ABCA7: variants seen among roughly 807,000 people sequenced by gnomAD.
ABCA7 encodes phospholipid-transporting ATPase ABCA7.
In ABCA7, 261 loss-of-function variants were observed where a neutral mutation model predicts 227.6. The ratio of observed to expected loss-of-function variants is 1.15; its 90% CI spans 1.04 to 1.27. ABCA7 has a LOEUF of 1.27. ABCA7 is among the 50% of genes most tolerant of loss of function. ABCA7 has a pLI of 0.00. For synonymous variants in ABCA7, 1,488 were observed against 1,279.7 expected (o/e 1.16, Z -3.47); for missense variants, 3,331 against 2,924.5 (o/e 1.14, Z -3.21).
At chr19:1,061,910 CAGGGT>C in intron 41 of ABCA7, 22 bp downstream of exon 41, 1 of 1,531,836 alleles carries the variant, frequency 6.5e-7, no homozygotes, top group African/African-American at 1.8e-5. Context: ...CAGGTAGGGT[CAGGGT>C]GGGGCAGGGT....
rs1411117085 is a variant in ABCA7, at chr19:1,056,688, C to G, written c.4586+189C>G. 6.6e-6 allele frequency among the ~76,000 whole-genome samples: 1 copy of G among 152,174 alleles called. No homozygotes were observed. The highest frequency in any genetic ancestry group is 2.1e-4 in the South Asian group (1 of 4,826). On this transcript the variant is annotated intron_variant, in intron 33 of 46. Coordinates refer to ENST00000263094, the MANE Select transcript of ABCA7 (RefSeq NM_019112.4). This position sits in a 1 kb window ranked among gnomAD's most constrained non-coding sequence, Gnocchi z 4.3. Reference sequence around the variant, plus strand: ...CTCCTCAGACTCAGCGGGCCCCAGCCTCCCCCACACATCCTCATCCCACCA... The same window carrying G: ...CTCCTCAGACTCAGCGGGCCCCAGCGTCCCCCACACATCCTCATCCCACCA...
chr19:1,045,640 C>T (rs2040552793), intron 12 of ABCA7: 1 of 190,282 alleles, frequency 5.3e-6, no homozygotes, highest in Non-Finnish European at 1.1e-5. Context: ...CTAGCCTGGG[C>T]AACATAGTGA....
chr19:1,054,320 C>A lies in ABCA7; in HGVS notation c.3705C>A (p.Ser1235Arg). ...AGCGCTTTCTGCTTGCCCGCCGCAG[C>A]CGCCGCGGCCTGTTCGCCCAGGTGA... is the stretch of plus-strand genomic sequence containing the variant. ...LLKRFLLARR[S>R]RRGLFAQIVL... Residue 1235 changes from serine to arginine, a missense_variant, in exon 27 of 47, where the codon AGC (serine) becomes AGA (arginine). Ser to Arg is a moderately radical substitution (Grantham distance 110). Coordinates refer to ENST00000263094, the MANE Select transcript of ABCA7 (RefSeq NM_019112.4). The surrounding 1 kb of genome is among the most constrained non-coding windows in gnomAD (Gnocchi z 4.8). The A allele has an allele frequency of 6.2e-7, 1 of 1,600,656 alleles. No individual in the cohort carries two copies. Among genetic ancestry groups the A allele is most frequent in the South Asian group, 1.1e-5 (1 of 90,772 alleles).
In ABCA7 at chr19:1,042,800, G is replaced by C; in HGVS notation, c.553G>C (p.Glu185Gln). 1 of 1,611,518 alleles carries C rather than the reference G, an allele frequency of 6.2e-7. No individual in the cohort carries two copies. Among genetic ancestry groups the C allele is most frequent in the Non-Finnish European group, 8.5e-7 (1 of 1,179,320 alleles). Residue 185 changes from glutamate (E) to glutamine (Q), a missense_variant, in exon 7 of 47, where the codon GAG becomes CAG. Glu to Gln is a conservative substitution (Grantham distance 29). Transcript: ENST00000263094. ...CCAGGAGCCCTTGCACAGCTTGTTG[G>C]AGGCCGCTGAGGACCTGGCCCAGGA... ...QAQEPLHSLL[E>Q]AAEDLAQELL...
In ABCA7 at chr19:1,053,804, TGGA is replaced by T. The variant is rs1423524147; in HGVS notation, c.3445_3447del (p.Glu1149del). ...TCTCCCCAGATCTTCCTGAAGGTGG[TGGA>T]GGAGTGTGCTGCGGACACAGATATG... On this transcript the variant is annotated inframe_deletion, in exon 25 of 47. Coordinates refer to ENST00000263094, the MANE Select transcript of ABCA7 (RefSeq NM_019112.4). 8 of 1,612,154 alleles carry T rather than the reference TGGA, an allele frequency of 5.0e-6. No individual in the cohort carries two copies. The highest frequency in any genetic ancestry group is 6.8e-6 in the Non-Finnish European group (8 of 1,178,860).
rs1443540198 is a variant in ABCA7, at chr19:1,054,078, C to G, written c.3545C>G (p.Pro1182Arg). The change falls in exon 26 of 47, where the codon CCA becomes CGA. Residue 1182 changes from proline to arginine, a missense_variant. By Grantham distance (103) the Pro-to-Arg change is moderately radical. Coordinates refer to ENST00000263094, the MANE Select transcript of ABCA7 (RefSeq NM_019112.4). The surrounding 1 kb of genome is among the most constrained non-coding windows in gnomAD (Gnocchi z 4.8). ...LDVTLRLKMP[P>R]QETALENGEP... Reference sequence around the variant, plus strand: ...GTAACCCTACGGCTCAAGATGCCGCCACAGGAGACAGCGCTGGAGAACGGG... The same window carrying G: ...GTAACCCTACGGCTCAAGATGCCGCGACAGGAGACAGCGCTGGAGAACGGG... 1.9e-6 allele frequency: 3 copies of G among 1,613,310 alleles called. No individual in the cohort carries two copies. The South Asian group carries it at 3.3e-5, about 18-fold the overall frequency.
intron 10 of ABCA7, among the ~76,000 whole-genome samples, chr19:1,044,250 T>TTTTC (rs2040374468): frequency 7.2e-6 from 1 of 139,588 alleles, no homozygotes; most frequent in Non-Finnish European, 1.5e-5. Context: ...TTTTTTTTTT[T>TTTTC]TTTTTTTTTT....
Position 1,056,532 on chromosome 19 carries a change from C to A in ABCA7, c.4586+33C>A. ...CCTCCACCCTGCATGTCCTACCCTGCACGTCCTACCCTGCCTCCATTTCTC... is the reference window on the plus strand; with the variant it reads ...CCTCCACCCTGCATGTCCTACCCTGAACGTCCTACCCTGCCTCCATTTCTC... On this transcript the variant is annotated intron_variant, in intron 33 of 46. Coordinates refer to ENST00000263094, the MANE Select transcript of ABCA7 (RefSeq NM_019112.4). This position sits in a 1 kb window ranked among gnomAD's most constrained non-coding sequence, Gnocchi z 4.3. 1 of 1,585,132 alleles carries A rather than the reference C, an allele frequency of 6.3e-7. No homozygotes were observed. The highest frequency in any genetic ancestry group is 8.6e-7 in the Non-Finnish European group (1 of 1,164,206).
chr19:1,064,312 A>G, intron 45 of ABCA7, 59 bp downstream of exon 45: 4 of 1,483,686 alleles, frequency 2.7e-6, no homozygotes, highest in Non-Finnish European at 3.6e-6. Context: ...AGGTAGGCTC[A>G]GGGGAGAGGC....
chr19:1,049,289 G>T lies in ABCA7; in HGVS notation c.2404G>T (p.Gly802Cys), dbSNP rs762725384. Residue 802 changes from glycine to cysteine, a missense_variant, in exon 18 of 47, where the codon GGC (glycine) becomes TGC (cysteine). Coordinates refer to ENST00000263094, the MANE Select transcript of ABCA7 (RefSeq NM_019112.4). ...AGTGCTGGTAGAAGAGGCACCGCCC[G>T]GCCTGAGTCCTGGCGTCTCCGTTCG... is the stretch of plus-strand genomic sequence containing the variant. ...PKVLVEEAPP[G>C]LSPGVSVRSL... 2.5e-6 allele frequency: 4 copies of T among 1,609,472 alleles called. No homozygotes were observed. In the South Asian group the frequency reaches 4.4e-5, roughly 18 times the overall value.
At position 1,042,069 on chromosome 19, in the gene ABCA7, C is replaced by T. The variant is rs763130547; in HGVS notation, c.308C>T (p.Ser103Phe). ...RLSNFNDSLV[S>F]RLLADARTVL... ...TGCCCTCTCTCTGTCCCCAGGGTCT[C>T]CCGGCTGCTAGCCGATGCCCGCACT... The change falls in exon 5 of 47, where the codon TCC becomes TTC. Residue 103 changes from serine to phenylalanine, a missense_variant. Ser to Phe is a radical substitution (Grantham distance 155). Transcript: ENST00000263094. 11 of 1,592,820 alleles carry T rather than the reference C, an allele frequency of 6.9e-6. No homozygotes were observed. The highest frequency in any genetic ancestry group is 3.3e-5 in the South Asian group (3 of 90,100).
intron 45 of ABCA7, chr19:1,064,616 G>A: frequency 1.9e-6 from 1 of 514,006 alleles, no homozygotes; most frequent in Non-Finnish European, 3.4e-6. Context: ...TGTGTGGGCG[G>A]GGGTAGAGTG....
In ABCA7 at chr19:1,052,121, GAGA is replaced by G. The variant is rs764341107; in HGVS notation, c.3145_3147del (p.Lys1049del). Reference sequence around the variant, plus strand: ...GGCCCGCCTGCCCCTGACCACCAATGAGAAGGTGGGGACCGGCCTTCTCCTGAC... The same window carrying G: ...GGCCCGCCTGCCCCTGACCACCAATGAGGTGGGGACCGGCCTTCTCCTGAC... On this transcript the variant is annotated inframe_deletion and splice_region_variant, in exon 22 of 47. Transcript: ENST00000263094. 1.2e-6 allele frequency: 2 copies of G among 1,612,140 alleles called. No homozygotes were observed. The highest frequency in any genetic ancestry group is 1.7e-6 in the Non-Finnish European group (2 of 1,179,780).
Position 1,065,038 on chromosome 19 carries a change from A to G in ABCA7, c.6152A>G (p.His2051Arg), listed in dbSNP as rs757847641. ...CCTGGGGCGGAGCTGCGCGAGGCAC[A>G]TGGAGGCCGCCTGCGCTTCCAGCTG... ...EFPGAELREA[H>R]GGRLRFQLPP... The change falls in exon 46 of 47, where the codon CAT (histidine) becomes CGT (arginine). Residue 2051 changes from histidine to arginine, a missense_variant. Transcript: ENST00000263094. The G allele has an allele frequency of 3.2e-6, 5 of 1,557,922 alleles. No homozygotes were observed. The highest frequency in any genetic ancestry group is 1.2e-5 in the South Asian group (1 of 85,562).
chr19:1,065,372 A>T lies in ABCA7; in HGVS notation c.6388A>T (p.Lys2130Ter). The T allele has an allele frequency of 6.2e-7, 1 of 1,613,610 alleles. No homozygotes were observed. Among genetic ancestry groups the T allele is most frequent in the African/African-American group, 1.3e-5 (1 of 75,040 alleles). ...CCCCGCGCCAGGCCTGCAGCACCCC[A>T]AACGCGTCAGCCAGTTCCTCGATGA... ...VDPAPGLQHP[K>*]RVSQFLDDPS... Residue 2130 changes from lysine (K) to a stop codon, truncating the protein, a stop_gained, in exon 47 of 47, where the codon AAA becomes TAA. Coordinates refer to ENST00000263094, the MANE Select transcript of ABCA7 (RefSeq NM_019112.4). LOFTEE classifies it low-confidence loss of function (END_TRUNC).
At position 1,062,039 on chromosome 19, in the gene ABCA7, G is replaced by A. The variant is rs926100799; in HGVS notation, c.5571-133G>A. 36 of 1,470,044 alleles carry A rather than the reference G, an allele frequency of 2.4e-5. No homozygotes were observed. Among genetic ancestry groups the A allele is most frequent in the East Asian group, 9.1e-5 (4 of 43,768 alleles). The allele number at this position is 1,470,044 out of a possible 1,614,324, so 91.1% of individuals were successfully genotyped here. A position where few individuals can be genotyped will look rare whatever the true frequency, so the allele number is the denominator to read the frequency against. On this transcript the variant is annotated intron_variant, in intron 41 of 46. Transcript: ENST00000263094. The stretch of plus-strand genomic sequence containing the variant: ...CCCTGCACCTCTACCTCCCACACGC[G>A]GACCAGGCCCTGAGACACCCCTGTC...
In ABCA7 at chr19:1,042,393, GC is replaced by G; in HGVS notation, c.495del (p.Thr166ArgfsTer81). On this transcript the variant is annotated frameshift_variant, in exon 6 of 47. Transcript: ENST00000263094. LOFTEE classifies it high-confidence loss of function. ...DVAELLTSLL[R>X]TESLGLALGQ... ...GCGGAGCTGCTGACGTCACTGCTGC[GC>G]ACGGTAGGGTGTCGGGGCGGGACCG... 2 of 1,609,962 alleles carry G rather than the reference GC, an allele frequency of 1.2e-6. No homozygotes were observed. Among genetic ancestry groups the G allele is most frequent in the Non-Finnish European group, 1.7e-6 (2 of 1,177,648 alleles).
In ABCA7 at chr19:1,056,694, C is replaced by G. The variant is rs1308584665; in HGVS notation, c.4586+195C>G. 2.0e-5 allele frequency among the ~76,000 whole-genome samples: 3 copies of G among 152,306 alleles called. No individual in the cohort carries two copies. Among genetic ancestry groups the G allele is most frequent in the Admixed American group, 6.5e-5 (1 of 15,300 alleles). The stretch of plus-strand genomic sequence containing the variant: ...AGACTCAGCGGGCCCCAGCCTCCCC[C>G]ACACATCCTCATCCCACCAACCTTT... On this transcript the variant is annotated intron_variant, in intron 33 of 46. Coordinates refer to ENST00000263094, the MANE Select transcript of ABCA7 (RefSeq NM_019112.4). This position sits in a 1 kb window ranked among gnomAD's most constrained non-coding sequence, Gnocchi z 4.3.
chr19:1,040,527 G>A (rs1281731297), intron 1 of ABCA7, among the ~76,000 whole-genome samples: 1 of 152,150 alleles, frequency 6.6e-6, no homozygotes, highest in African/African-American at 2.4e-5. Context: ...CTGGCGTAAG[G>A]GTCTGGGTCT....
Sources: gnomAD v4.1 joint callset for allele counts (sites outside exome capture counted in the v4.1 genomes callset) on GRCh38, gnomAD v4.1.1 for gene constraint, Gnocchi (gnomAD v3.1) non-coding constraint, MANE v1.5 for transcripts, NCBI Gene and HGNC (gene_info 2026-07-23, HGNC 2026-07-21) for gene names.